The following XRN1 variants were observed in gnomAD, a reference collection of about 807,000 sequenced individuals.
XRN1 encodes the protein 5'-3' exoribonuclease 1.
In XRN1, 67 loss-of-function variants were observed where a neutral mutation model predicts 222.3. The observed-to-expected ratio is 0.30, with a 90% CI of 0.25 to 0.37. XRN1 has a LOEUF of 0.37. Ranked by LOEUF, XRN1 falls within the 10% of genes least tolerant of loss-of-function variation. XRN1 has a pLI of 1.00. For synonymous variants in XRN1, 643 were observed against 652.4 expected (o/e 0.99, Z 0.22); for missense variants, 1,707 against 2,000.2 (o/e 0.85, Z 2.80).
Position 142,319,928 on chromosome 3 carries a change from A to ACG in XRN1, c.4405-1026_4405-1025insCG, listed in dbSNP as rs1553851172. ...TGTATACACACACACACACACACAC[A>ACG]CACGCACGCACACATACCCACACAC... is the stretch of plus-strand genomic sequence containing the variant. On this transcript the variant is annotated intron_variant, in intron 37 of 40. Transcript: ENST00000392981. Among the ~76,000 whole-genome samples the ACG allele has an allele frequency of 9.6e-3, 1,453 of 152,056 alleles. 17 individuals are homozygous for ACG. The highest frequency in any genetic ancestry group is 0.024 in the African/African-American group (993 of 41,426).
Position 142,399,549 on chromosome 3 carries a change from G to C in XRN1, c.2207+895C>G, listed in dbSNP as rs1033968774. On this transcript the variant is annotated intron_variant, in intron 19 of 40. Transcript: ENST00000392981. Reference sequence around the variant, plus strand: ...TCTAGGGCTAGAATAAGAGCTCTTAGACATGACACCAAAAGCATAAAAAAA... The same window carrying C: ...TCTAGGGCTAGAATAAGAGCTCTTACACATGACACCAAAAGCATAAAAAAA... Among the ~76,000 whole-genome samples, 4 of 151,992 alleles carry C rather than the reference G, an allele frequency of 2.6e-5. No homozygotes were observed. In the East Asian group the frequency reaches 5.8e-4, roughly 22 times the overall value.
chr3:142,320,692 C>T (rs576124938), intron 37 of XRN1, among the ~76,000 whole-genome samples: 4 of 152,052 alleles, frequency 2.6e-5, no homozygotes, highest in Admixed American at 1.3e-4. Flanking sequence ...TCAGGTCTTA[C>T]ATTTAAGACT....
At chr3:142,359,130 T>C (rs1359495701) in intron 30 of XRN1, among the ~76,000 whole-genome samples, 1 of 152,220 alleles carries the variant, frequency 6.6e-6, no homozygotes, top group East Asian at 1.9e-4. Flanking sequence ...TCATGATACT[T>C]GTTCCTATAA....
At chr3:142,383,996 C>A (rs962108037) in intron 21 of XRN1, among the ~76,000 whole-genome samples, 12 of 151,786 alleles carry the variant, frequency 7.9e-5, no homozygotes, top group Non-Finnish European at 1.3e-4. Flanking sequence ...AAAGGCTGGG[C>A]GCAGTGGCTC....
At chr3:142,312,226 G>C (rs561398849) in intron 40 of XRN1, among the ~76,000 whole-genome samples, 1 of 152,168 alleles carries the variant, frequency 6.6e-6, no homozygotes, top group East Asian at 1.9e-4. Context: ...GCAGGGAGTC[G>C]AGATTGTGCA....
At chr3:142,349,309 A>G (rs1389926461) in intron 32 of XRN1, among the ~76,000 whole-genome samples, 1 of 152,038 alleles carries the variant, frequency 6.6e-6, no homozygotes, top group African/African-American at 2.4e-5. Context: ...TCATGGCACA[A>G]TGGCTGGTGG....
intron 1 of XRN1, among the ~76,000 whole-genome samples, chr3:142,438,365 C>G (rs1219487581): frequency 6.6e-6 from 1 of 151,990 alleles, no homozygotes; most frequent in Non-Finnish European, 1.5e-5. Flanking sequence ...CAGTCCAGAC[C>G]CTTTTCTTTG....
chr3:142,321,064 T>C (rs2065339162), intron 37 of XRN1, among the ~76,000 whole-genome samples: 2 of 151,334 alleles, frequency 1.3e-5, no homozygotes, highest in Admixed American at 6.6e-5. Context: ...AATGTGAATA[T>C]CCAGTTACCC....
intron 1 of XRN1, among the ~76,000 whole-genome samples, chr3:142,441,818 G>A (rs2070227615): frequency 6.6e-6 from 1 of 152,236 alleles, no homozygotes; most frequent in Non-Finnish European, 1.5e-5. Context: ...CTGTCAACAA[G>A]TAATTGCTCA....
chr3:142,390,575 T>G (rs774365896), intron 20 of XRN1, among the ~76,000 whole-genome samples: 3 of 152,232 alleles, frequency 2.0e-5, no homozygotes, highest in Non-Finnish European at 4.4e-5. Flanking sequence ...GGATTAACCT[T>G]TGGCTTAAGG....
Position 142,311,582 on chromosome 3 carries a change from G to C in XRN1, c.5014C>G (p.Pro1672Ala). The C allele has an allele frequency of 6.2e-7, 1 of 1,614,004 alleles. No individual in the cohort carries two copies. The highest frequency in any genetic ancestry group is 1.7e-5 in the Admixed American group (1 of 60,008). ...GATTTTCTTCTTGAAGAAGAGATTG[G>C]TGTTGACTTATGGTGAGATATACTA... is the stretch of plus-strand genomic sequence containing the variant. The part of the protein sequence containing the change: ...GHSISHHKST[P>A]ISSSRRKSRK... The change falls in exon 41 of 41, where the codon CCA (proline) becomes GCA (alanine). Residue 1672 changes from proline (P) to alanine (A), a missense_variant. Pro to Ala is a conservative substitution (Grantham distance 27). Coordinates refer to ENST00000392981, the MANE Select transcript of XRN1 (RefSeq NM_001282857.2).
At chr3:142,326,474 T>C (rs1353783123) in intron 37 of XRN1, among the ~76,000 whole-genome samples, 2 of 152,158 alleles carry the variant, frequency 1.3e-5, no homozygotes, top group Admixed American at 6.6e-5. Context: ...TGTCAGTATA[T>C]AGAAATGTGA....
At chr3:142,412,180 A>C (rs1342043293) in intron 15 of XRN1, among the ~76,000 whole-genome samples, 1 of 152,100 alleles carries the variant, frequency 6.6e-6, no homozygotes, top group Non-Finnish European at 1.5e-5. Context: ...AAAGTGTTGA[A>C]ATTTCTAGCT....
chr3:142,443,933 T>G (rs1382190143), intron 1 of XRN1, among the ~76,000 whole-genome samples: 1 of 152,170 alleles, frequency 6.6e-6, no homozygotes, highest in African/African-American at 2.4e-5. Context: ...TGCAACCACA[T>G]GGGTGGAAAT....
chr3:142,389,032 T>C (rs2067615936), intron 20 of XRN1, among the ~76,000 whole-genome samples: 2 of 152,184 alleles, frequency 1.3e-5, no homozygotes, highest in South Asian at 2.1e-4. Context: ...CTGGCCAAAA[T>C]GGCAAAACTC....
intron 33 of XRN1, among the ~76,000 whole-genome samples, chr3:142,345,863 A>G (rs941829520): frequency 2.6e-5 from 4 of 152,216 alleles, no homozygotes; most frequent in African/African-American, 9.6e-5. Context: ...TAGGACGACT[A>G]TTGTCAAAGA....
intron 2 of XRN1, among the ~76,000 whole-genome samples, chr3:142,428,161 G>A (rs1184598244): frequency 1.3e-5 from 2 of 152,088 alleles, no homozygotes; most frequent in African/African-American, 4.8e-5. Context: ...GGGAGGCCAA[G>A]GCAGGTGGAT....
chr3:142,383,315 A>G lies in XRN1; in HGVS notation c.2601T>C (p.Tyr867=). 3 of 1,613,332 alleles carry G rather than the reference A, an allele frequency of 1.9e-6. No homozygotes were observed. The highest frequency in any genetic ancestry group is 2.2e-5 in the East Asian group (1 of 44,844). Residue 867 remains tyrosine (Y), a synonymous_variant, in exon 22 of 41, where the codon TAT becomes TAC. Coordinates refer to ENST00000392981, the MANE Select transcript of XRN1 (RefSeq NM_001282857.2). Reference sequence around the variant, plus strand: ...GGAAACTAACTTCTCCAGTGCAGCCATAATAGGGAGTTCCCAGCATAAAGA... The same window carrying G: ...GGAAACTAACTTCTCCAGTGCAGCCGTAATAGGGAGTTCCCAGCATAAAGA... ...SMVFMLGTPY[Y]GCTGEVQDSG...
chr3:142,348,978 G>A (rs549506111), intron 32 of XRN1, among the ~76,000 whole-genome samples: 1 of 151,712 alleles, frequency 6.6e-6, no homozygotes, highest in South Asian at 2.1e-4. Flanking sequence ...TTGAGACAGG[G>A]TGTTTGCTCT....
Sources: allele counts gnomAD v4.1 joint callset (sites outside exome capture counted in the v4.1 genomes callset), GRCh38; gene constraint gnomAD v4.1.1; transcripts MANE v1.5; gene names NCBI Gene and HGNC (gene_info 2026-07-23, HGNC 2026-07-21).